Variants in PDE4D observed in about 807,000 individuals in gnomAD.
PDE4D encodes 3',5'-cyclic-AMP phosphodiesterase 4D.
A neutral mutation model predicts 87.4 loss-of-function variants in PDE4D; 24 were observed. The ratio of observed to expected loss-of-function variants is 0.27; its 90% confidence interval spans 0.20 to 0.39. The LOEUF (loss-of-function observed/expected upper bound fraction) is 0.39, where lower values mean the gene tolerates loss of function less well. PDE4D is among the 10% of genes least tolerant of loss of function. PDE4D has a pLI of 1.00. For synonymous variants in PDE4D, 384 were observed against 383.2 expected (o/e 1.00, Z -0.02); for missense variants, 714 against 1,041.0 (o/e 0.69, Z 4.32).
Position 59,191,786 on chromosome 5 carries a change from G to A in PDE4D, c.684+1714C>T, listed in dbSNP as rs538832137. Among the ~76,000 whole-genome samples the A allele has an allele frequency of 9.2e-5, 14 of 152,160 alleles. No individual in the cohort carries two copies. In the South Asian group the frequency reaches 2.5e-3, roughly 27 times the overall value. On this transcript the variant is annotated intron_variant, in intron 3 of 14. Coordinates refer to ENST00000340635, the MANE Select transcript of PDE4D (RefSeq NM_001104631.2). The stretch of plus-strand genomic sequence containing the variant: ...GGGTTTCATCAAGTTGGCCAGGCTG[G>A]TCTCGAACTCCTGACCTCAGGTGAT...
intron 2 of PDE4D, among the ~76,000 whole-genome samples, chr5:60,101,769 C>T (rs934847500): frequency 6.6e-6 from 1 of 152,150 alleles, no homozygotes; most frequent in African/African-American, 2.4e-5. Flanking sequence ...TCCTGCCACA[C>T]CCACTCCTTT....
At chr5:59,311,218 A>G (rs1002445898) in intron 1 of PDE4D, among the ~76,000 whole-genome samples, 5 of 152,064 alleles carry the variant, frequency 3.3e-5, no homozygotes, top group Admixed American at 2.6e-4. Flanking sequence ...GATCCAAGGT[A>G]TAAGGGGATC....
chr5:59,034,791 C>T (rs997801739), intron 6 of PDE4D, among the ~76,000 whole-genome samples: 7 of 152,204 alleles, frequency 4.6e-5, no homozygotes, highest in Non-Finnish European at 5.9e-5. Flanking sequence ...TAGAAAGGGT[C>T]TGGATTCTAA....
intron 1 of PDE4D, among the ~76,000 whole-genome samples, chr5:60,361,026 A>G (rs1760014742): frequency 1.3e-5 from 2 of 152,206 alleles, no homozygotes; most frequent in African/African-American, 4.8e-5. Context: ...CACAATCTCA[A>G]ACGCCACCAA....
At chr5:59,438,202 T>C (rs1445689035) in intron 1 of PDE4D, among the ~76,000 whole-genome samples, 2 of 152,200 alleles carry the variant, frequency 1.3e-5, no homozygotes, top group Non-Finnish European at 2.9e-5. Context: ...AGATGAGATA[T>C]GGGTGGGTAC....
intron 1 of PDE4D, among the ~76,000 whole-genome samples, chr5:60,515,603 T>TTTTC (rs1750763854): frequency 1.6e-5 from 2 of 128,840 alleles, no homozygotes; most frequent in African/African-American, 7.8e-5. Flanking sequence ...TTCTTTTTCT[T>TTTTC]TTTTTTTTTT....
intron 1 of PDE4D, among the ~76,000 whole-genome samples, chr5:59,550,044 T>A (rs1817857586): frequency 1.3e-5 from 2 of 151,966 alleles, no homozygotes; most frequent in Admixed American, 1.3e-4. Flanking sequence ...GAAAACCACC[T>A]ATAACACTTT....
intron 3 of PDE4D, among the ~76,000 whole-genome samples, chr5:59,946,695 C>G (rs2963806): frequency 6.6e-6 from 1 of 152,050 alleles, no homozygotes; most frequent in Non-Finnish European, 1.5e-5. Flanking sequence ...GTTTTCAGAC[C>G]CAGGCCTTCA....
Position 59,377,492 on chromosome 5 carries a change from A to T in PDE4D, c.456-161524T>A, listed in dbSNP as rs192991181. Reference sequence around the variant, plus strand: ...ACAAAGGCAAAAATTGACAAATGAGATCTAATTAAACTAAAGAGCTCTTGC... The same window carrying T: ...ACAAAGGCAAAAATTGACAAATGAGTTCTAATTAAACTAAAGAGCTCTTGC... On this transcript the variant is annotated intron_variant, in intron 1 of 14. Coordinates refer to ENST00000340635, the MANE Select transcript of PDE4D (RefSeq NM_001104631.2). Among the ~76,000 whole-genome samples the T allele has an allele frequency of 5.9e-5, 9 of 152,130 alleles. No individual in the cohort carries two copies. In the East Asian group the frequency reaches 1.5e-3, roughly 26 times the overall value.
At chr5:59,865,278 T>C (rs1746848743) in intron 1 of PDE4D, among the ~76,000 whole-genome samples, 1 of 152,232 alleles carries the variant, frequency 6.6e-6, no homozygotes, top group African/African-American at 2.4e-5. Context: ...GGAAGATGTC[T>C]CACCTGTTTT....
At chr5:59,540,202 C>A (rs1466476562) in intron 1 of PDE4D, among the ~76,000 whole-genome samples, 1 of 152,136 alleles carries the variant, frequency 6.6e-6, no homozygotes, top group East Asian at 1.9e-4. Flanking sequence ...TCTGTCCATG[C>A]AGTTCTATCA....
At chr5:59,479,051 T>C (rs955107351) in intron 1 of PDE4D, among the ~76,000 whole-genome samples, 1 of 152,052 alleles carries the variant, frequency 6.6e-6, no homozygotes, top group African/African-American at 2.4e-5. Context: ...TCATAAAATA[T>C]GACAAAAAAG....
At chr5:59,063,878 G>A (rs977718956) in intron 5 of PDE4D, among the ~76,000 whole-genome samples, 5 of 152,046 alleles carry the variant, frequency 3.3e-5, no homozygotes. Flanking sequence ...GATAGTCTTG[G>A]CACTTTGGTA....
At chr5:60,501,606 C>T (rs1452915403) in intron 1 of PDE4D, among the ~76,000 whole-genome samples, 4 of 151,630 alleles carry the variant, frequency 2.6e-5, no homozygotes, top group Non-Finnish European at 4.4e-5. Context: ...AACTGGTTTA[C>T]AGTCCCACCA....
chr5:60,262,834 G>A (rs994739080), intron 1 of PDE4D, among the ~76,000 whole-genome samples: 2 of 152,172 alleles, frequency 1.3e-5, no homozygotes, highest in African/African-American at 4.8e-5. Context: ...GATAGGGGAA[G>A]GGTTAGGGAG....
intron 1 of PDE4D, among the ~76,000 whole-genome samples, chr5:60,219,508 G>A (rs189820580): frequency 7.9e-5 from 12 of 152,254 alleles, no homozygotes; most frequent in African/African-American, 2.4e-4. Context: ...CGTCAGATAC[G>A]TGGGATACAC....
At chr5:60,095,966 T>C (rs1313017491) in intron 2 of PDE4D, among the ~76,000 whole-genome samples, 1 of 152,178 alleles carries the variant, frequency 6.6e-6, no homozygotes, top group East Asian at 1.9e-4. Context: ...TAAATTTGTT[T>C]AAGTTCTTTA....
At chr5:60,465,682 C>T (rs1747296054) in intron 1 of PDE4D, among the ~76,000 whole-genome samples, 1 of 151,936 alleles carries the variant, frequency 6.6e-6, no homozygotes, top group Non-Finnish European at 1.5e-5. Context: ...TCCTAATAAA[C>T]CCATTGTAAG....
At chr5:60,047,978 C>G (rs1049799147) in intron 2 of PDE4D, among the ~76,000 whole-genome samples, 1 of 152,114 alleles carries the variant, frequency 6.6e-6, no homozygotes, top group Non-Finnish European at 1.5e-5. Context: ...TAAAGTCTCC[C>G]ATTATTAATG....
Sources: allele counts gnomAD v4.1 joint callset (sites outside exome capture counted in the v4.1 genomes callset), GRCh38; gene constraint gnomAD v4.1.1; transcripts MANE v1.5; gene names NCBI Gene and HGNC (gene_info 2026-07-23, HGNC 2026-07-21).